Variants in TMEM120B observed in about 807,000 individuals in gnomAD.
The protein encoded by TMEM120B is transmembrane protein 120B.
In TMEM120B, 31 loss-of-function variants were observed where a neutral mutation model predicts 55.5. That is an observed-to-expected ratio of 0.56 (90% CI 0.42 to 0.75). The LOEUF (loss-of-function observed/expected upper bound fraction) is 0.75. TMEM120B is among the 30% of genes least tolerant of loss of function. TMEM120B has a pLI of 0.00. For missense variants in TMEM120B, 399 were observed against 425.5 expected (o/e 0.94, Z 0.55); for synonymous variants, 203 against 176.3 (o/e 1.15, Z -1.20).
At chr12:121,718,627 G>C (rs1224486680) in intron 1 of TMEM120B, among the ~76,000 whole-genome samples, 1 of 152,190 alleles carries the variant, frequency 6.6e-6, no homozygotes, top group East Asian at 1.9e-4. Context: ...CATGCCTGCT[G>C]TATAACTCAG....
intron 2 of TMEM120B, among the ~76,000 whole-genome samples, chr12:121,747,302 GCGGGAGGCAC>G (rs1369030559): frequency 0.18 from 6,613 of 37,706 alleles, 3,127 homozygotes; most frequent in East Asian, 0.36. Context: ...GGGGTAGAAG[GCGGGAGGCAC>G]TGGGGTAGAA....
chr12:121,769,941 C>T (rs528053525), intron 6 of TMEM120B, among the ~76,000 whole-genome samples: 4 of 152,078 alleles, frequency 2.6e-5, no homozygotes, highest in East Asian at 1.9e-4. Flanking sequence ...CAGTGTGATC[C>T]GAGTGGGGCC....
intron 1 of TMEM120B, among the ~76,000 whole-genome samples, chr12:121,740,205 C>A (rs567301546): frequency 1.3e-4 from 20 of 152,180 alleles, no homozygotes; most frequent in Admixed American, 1.1e-3. Context: ...GCTAGAGAGG[C>A]CTGGCACGGT....
chr12:121,764,123 G>A (rs958902224), intron 6 of TMEM120B, among the ~76,000 whole-genome samples: 3 of 143,800 alleles, frequency 2.1e-5, no homozygotes, highest in Admixed American at 1.4e-4. Context: ...AGGAGTTCAA[G>A]ACCAGCCTGG....
Position 121,726,468 on chromosome 12 carries a change from A to C in TMEM120B, c.69+13504A>C, listed in dbSNP as rs557482813. ...GTGGCAGGCACCTGTAGTCCCAGCT[A>C]CTCGGGAGGCTGATGCAGGAGAAAG... On this transcript the variant is annotated intron_variant, in intron 1 of 11. Coordinates refer to ENST00000449592, the MANE Select transcript of TMEM120B (RefSeq NM_001080825.2). Among the ~76,000 whole-genome samples, 8 of 151,266 alleles carry C rather than the reference A, an allele frequency of 5.3e-5. No individual in the cohort carries two copies. In the South Asian group the frequency reaches 1.7e-3, roughly 32 times the overall value.
At chr12:121,755,479 G>C (rs1873451126) in intron 5 of TMEM120B, among the ~76,000 whole-genome samples, 1 of 152,236 alleles carries the variant, frequency 6.6e-6, no homozygotes, top group African/African-American at 2.4e-5. Flanking sequence ...CCTCTATCAG[G>C]TTTGAACCAG....
intron 6 of TMEM120B, among the ~76,000 whole-genome samples, chr12:121,767,154 G>A (rs1328915494): frequency 6.6e-6 from 1 of 151,750 alleles, no homozygotes; most frequent in Admixed American, 6.6e-5. Context: ...CTCCTGCAAG[G>A]TTTCTTTTTT....
chr12:121,772,117 C>T (rs139187640), intron 8 of TMEM120B, among the ~76,000 whole-genome samples: 9 of 148,192 alleles, frequency 6.1e-5, no homozygotes, highest in East Asian at 2.0e-4. Context: ...CTTTCTCTCT[C>T]TCTCTCTTTC....
intron 1 of TMEM120B, among the ~76,000 whole-genome samples, chr12:121,738,597 G>C (rs569887408): frequency 6.6e-6 from 1 of 152,298 alleles, no homozygotes; most frequent in East Asian, 1.9e-4. Flanking sequence ...GGGCTGTTTA[G>C]CACTGAATAA....
chr12:121,779,834 GC>G lies in TMEM120B; in HGVS notation c.*4114del. The stretch of plus-strand genomic sequence containing the variant: ...TCACAGTGTGTGGGTGGAATGGAGG[GC>G]CAGGGCAGTGCAGCCCGCAGGTTGG... On this transcript the variant is annotated 3_prime_UTR_variant, in exon 12 of 12. Coordinates refer to ENST00000449592, the MANE Select transcript of TMEM120B (RefSeq NM_001080825.2). 2 of 685,006 alleles carry G rather than the reference GC, an allele frequency of 2.9e-6. No individual in the cohort carries two copies. Among genetic ancestry groups the G allele is most frequent in the Non-Finnish European group, 4.8e-6 (2 of 413,490 alleles). 42.4% of individuals were successfully genotyped at this position (685,006 alleles called of 1,614,324 possible).
intron 1 of TMEM120B, among the ~76,000 whole-genome samples, chr12:121,722,975 AG>A (rs1894824007): frequency 6.6e-6 from 1 of 151,450 alleles, no homozygotes; most frequent in South Asian, 2.1e-4. Context: ...CAGCCTCCCA[AG>A]TAGCTGAGAT....
At chr12:121,718,393 C>G (rs762974995) in intron 1 of TMEM120B, among the ~76,000 whole-genome samples, 1 of 152,080 alleles carries the variant, frequency 6.6e-6, no homozygotes, top group Non-Finnish European at 1.5e-5. Flanking sequence ...GTAATCCCAG[C>G]TACTTGGGAG....
At position 121,761,408 on chromosome 12, in the gene TMEM120B, A is replaced by G. The variant is rs187950819; in HGVS notation, c.462-241A>G. On this transcript the variant is annotated intron_variant, in intron 5 of 11. Transcript: ENST00000449592. ...GGGAAGGAGGGGGAGACTCAGCTGG[A>G]GCTTGAAGCGCAGGTGGGACTCAGG... is the stretch of plus-strand genomic sequence containing the variant. Among the ~76,000 whole-genome samples, 582 of 152,260 alleles carry G rather than the reference A, an allele frequency of 3.8e-3. 2 individuals carry two copies. The highest frequency in any genetic ancestry group is 8.6e-3 in the Admixed American group (132 of 15,288).
At chr12:121,739,626 C>T (rs564603053) in intron 1 of TMEM120B, among the ~76,000 whole-genome samples, 42 of 152,024 alleles carry the variant, frequency 2.8e-4, no homozygotes, top group African/African-American at 9.2e-4. Flanking sequence ...GCGCCCGCCA[C>T]CACACCTGGC....
At chr12:121,751,016 C>T (rs1592938528) in intron 4 of TMEM120B, among the ~76,000 whole-genome samples, 2 of 109,994 alleles carry the variant, frequency 1.8e-5, no homozygotes, top group South Asian at 3.4e-4. Context: ...TCACACCCCA[C>T]ACCCAACACC....
chr12:121,758,148 C>T (rs1384900310), intron 5 of TMEM120B: 4 of 985,222 alleles, frequency 4.1e-6, no homozygotes, highest in Admixed American at 1.2e-4. Flanking sequence ...AGTGCCTCCT[C>T]AGACAGACTG....
chr12:121,712,822 G>T lies in TMEM120B; in HGVS notation c.-74G>T. 2 of 1,179,784 alleles carry T rather than the reference G, an allele frequency of 1.7e-6. No homozygotes were observed. Among genetic ancestry groups the T allele is most frequent in the Admixed American group, 8.7e-5 (2 of 22,972 alleles). 73.1% of individuals were successfully genotyped at this position (1,179,784 alleles called of 1,614,324 possible). A position where few individuals can be genotyped will look rare whatever the true frequency, so the allele number is the denominator to read the frequency against. ...GAGGGCGGTCGGCGAGCGCGCGGGC[G>T]TGGGGCGCTGGGGGGCCGGTCGGGC... On this transcript the variant is annotated 5_prime_UTR_variant, in exon 1 of 12. Coordinates refer to ENST00000449592, the MANE Select transcript of TMEM120B (RefSeq NM_001080825.2).
At chr12:121,731,635 T>C (rs566015827) in intron 1 of TMEM120B, among the ~76,000 whole-genome samples, 1 of 152,334 alleles carries the variant, frequency 6.6e-6, no homozygotes, top group East Asian at 1.9e-4. Flanking sequence ...CAGGTTTCTG[T>C]AGGTGTACTC....
In TMEM120B at chr12:121,775,603, C is replaced by T. The variant is rs370620004; in HGVS notation, c.907-6C>T. On this transcript the variant is annotated splice_polypyrimidine_tract_variant and splice_region_variant and intron_variant, in intron 11 of 11. Transcript: ENST00000449592. This position sits in a 1 kb window ranked among gnomAD's most constrained non-coding sequence, Gnocchi z 4.3. ...CAGCCTCGCCCTCCTCTCTGGACTC[C>T]CCCAGGTGTTCGTACTGGCGTTCAC... The T allele has an allele frequency of 7.2e-5, 116 of 1,612,684 alleles. No individual in the cohort carries two copies. Among genetic ancestry groups the T allele is most frequent in the Non-Finnish European group, 8.5e-5 (100 of 1,179,284 alleles).
Sources: allele counts gnomAD v4.1 joint callset (sites outside exome capture counted in the v4.1 genomes callset), GRCh38; gene constraint gnomAD v4.1.1; non-coding constraint Gnocchi (gnomAD v3.1); transcripts MANE v1.5; gene names NCBI Gene and HGNC (gene_info 2026-07-23, HGNC 2026-07-21).